OPCML: variants seen among roughly 807,000 people sequenced by gnomAD.
The protein encoded by OPCML is opioid binding protein/cell adhesion molecule like, also known as opioid-binding protein/cell adhesion molecule.
OPCML carries 13 observed loss-of-function variants against 37.8 expected under a neutral mutation model. That is an observed-to-expected ratio of 0.34 (90% CI 0.22 to 0.55). The LOEUF (loss-of-function observed/expected upper bound fraction) is 0.55. Ranked by LOEUF, OPCML falls within the 20% of genes least tolerant of loss-of-function variation. The pLI is 0.91. For synonymous variants in OPCML, 176 were observed against 168.8 expected (o/e 1.04, Z -0.33); for missense variants, 341 against 435.6 (o/e 0.78, Z 1.93).
intron 3 of OPCML, among the ~76,000 whole-genome samples, chr11:132,583,722 T>C (rs1341531748): frequency 6.6e-6 from 1 of 152,158 alleles, no homozygotes; most frequent in Non-Finnish European, 1.5e-5. Flanking sequence ...CAAGAGATTC[T>C]CTTGCCCCAG....
chr11:133,401,190 G>C (rs1423887369), intron 1 of OPCML, among the ~76,000 whole-genome samples: 1 of 152,154 alleles, frequency 6.6e-6, no homozygotes, highest in Non-Finnish European at 1.5e-5. Context: ...GACAGACGTA[G>C]TGTGAGAGTA....
intron 1 of OPCML, among the ~76,000 whole-genome samples, chr11:132,951,708 T>C (rs1212094476): frequency 1.3e-5 from 2 of 152,196 alleles, no homozygotes; most frequent in African/African-American, 2.4e-5. Context: ...AGTATCTCTG[T>C]GGGCAGATAA....
At chr11:132,516,665 G>T (rs1016969151) in intron 4 of OPCML, among the ~76,000 whole-genome samples, 14 of 151,332 alleles carry the variant, frequency 9.3e-5, no homozygotes, top group African/African-American at 3.4e-4. Context: ...CAAACTAATT[G>T]CTCTTCATAA....
In OPCML at chr11:133,324,090, C is replaced by T. The variant is rs371964264; in HGVS notation, c.61+208174G>A. ...CCTCCCCACATTCGGAGTTGGCAGC[C>T]GGCTCCAGCCAAGCAGAAGGGGGAA... On this transcript the variant is annotated intron_variant, in intron 1 of 7. Coordinates refer to ENST00000524381, the MANE Select transcript of OPCML (RefSeq NM_001012393.5). Among the ~76,000 whole-genome samples the T allele has an allele frequency of 1.0e-3, 152 of 152,096 alleles. 2 individuals carry two copies. The highest frequency in any genetic ancestry group is 3.2e-3 in the Middle Eastern group (1 of 316).
intron 2 of OPCML, among the ~76,000 whole-genome samples, chr11:132,900,140 T>G (rs969679563): frequency 6.6e-6 from 1 of 152,192 alleles, no homozygotes; most frequent in Non-Finnish European, 1.5e-5. Flanking sequence ...TATCAGCTCT[T>G]AACTGCAAAG....
At chr11:132,979,366 C>A (rs1946534843) in intron 1 of OPCML, among the ~76,000 whole-genome samples, 2 of 152,214 alleles carry the variant, frequency 1.3e-5, no homozygotes, top group South Asian at 2.1e-4. Flanking sequence ...GACCTCTCCT[C>A]CTCTCCCACA....
At chr11:132,479,783 C>A (rs28874935) in intron 4 of OPCML, among the ~76,000 whole-genome samples, 9,156 of 152,096 alleles carry the variant, frequency 0.06, 368 homozygotes, top group Middle Eastern at 0.11. Context: ...CTCACAGGGC[C>A]GGGTACTCCA....
At position 133,049,698 on chromosome 11, in the gene OPCML, A is replaced by G. The variant is rs552196458; in HGVS notation, c.62-106688T>C. 2.0e-5 allele frequency among the ~76,000 whole-genome samples: 3 copies of G among 152,248 alleles called. 1 individual carries two copies. Among genetic ancestry groups the G allele is most frequent in the African/African-American group, 7.2e-5 (3 of 41,538 alleles). On this transcript the variant is annotated intron_variant, in intron 1 of 7. Coordinates refer to ENST00000524381, the MANE Select transcript of OPCML (RefSeq NM_001012393.5). ...GGGCAGTCTTATAATCTGATTTGTA[A>G]CCCGTCACCGTGCAGGACAGAGTCC...
In OPCML at chr11:133,240,090, T is replaced by C. The variant is rs996797862; in HGVS notation, c.61+292174A>G. On this transcript the variant is annotated intron_variant, in intron 1 of 7. Coordinates refer to ENST00000524381, the MANE Select transcript of OPCML (RefSeq NM_001012393.5). ...TGGCTCCAACAAAAGCATTAGAATG[T>C]ACGTGCTGCTCAGGCCTCCCAGGGA... is the stretch of plus-strand genomic sequence containing the variant. Among the ~76,000 whole-genome samples, 6 of 151,924 alleles carry C rather than the reference T, an allele frequency of 3.9e-5. No homozygotes were observed. The East Asian group carries it at 7.8e-4, about 20-fold the overall frequency.
intron 2 of OPCML, among the ~76,000 whole-genome samples, chr11:132,667,022 T>G (rs1201164485): frequency 1.3e-5 from 2 of 152,138 alleles, no homozygotes; most frequent in East Asian, 3.9e-4. Context: ...AGGAAGAGCT[T>G]GAGGGAGCTA....
chr11:132,575,040 A>C (rs1591572633), intron 3 of OPCML, among the ~76,000 whole-genome samples: 2 of 152,008 alleles, frequency 1.3e-5, no homozygotes, highest in Non-Finnish European at 2.9e-5. Flanking sequence ...TTTTAAGTTA[A>C]AGTCAGTGTT....
intron 2 of OPCML, among the ~76,000 whole-genome samples, chr11:132,680,606 G>A (rs1223282032): frequency 6.6e-6 from 1 of 152,148 alleles, no homozygotes; most frequent in East Asian, 1.9e-4. Context: ...CTGCGGCCAC[G>A]CTACCTCAGC....
chr11:132,743,846 G>T (rs1364227517), intron 2 of OPCML, among the ~76,000 whole-genome samples: 1 of 152,122 alleles, frequency 6.6e-6, no homozygotes, highest in Non-Finnish European at 1.5e-5. Flanking sequence ...TGACACACAG[G>T]GGCCAAAAAT....
At chr11:132,808,169 T>C (rs1565878699) in intron 2 of OPCML, among the ~76,000 whole-genome samples, 1 of 152,190 alleles carries the variant, frequency 6.6e-6, no homozygotes, top group Non-Finnish European at 1.5e-5. Flanking sequence ...CTCTACCTAA[T>C]AAGGTTCACA....
chr11:133,462,533 T>C (rs931297539), intron 1 of OPCML, among the ~76,000 whole-genome samples: 2 of 152,140 alleles, frequency 1.3e-5, no homozygotes, highest in African/African-American at 2.4e-5. Flanking sequence ...AGGACTTTAA[T>C]AGATATTTTT....
rs1036776872 is a variant in OPCML, at chr11:133,212,643, C to G, written c.62-269633G>C. Among the ~76,000 whole-genome samples the G allele has an allele frequency of 3.9e-5, 6 of 152,192 alleles. No homozygotes were observed. The highest frequency in any genetic ancestry group is 1.4e-4 in the African/African-American group (6 of 41,444). On this transcript the variant is annotated intron_variant, in intron 1 of 7. Coordinates refer to ENST00000524381, the MANE Select transcript of OPCML (RefSeq NM_001012393.5). This position sits in a 1 kb window ranked among gnomAD's most constrained non-coding sequence, Gnocchi z 4.9. ...TCTTCTAACAGCCTCTGTGATTTAC[C>G]TTCTCACTGTGACTGTTGTTATTGT...
chr11:133,078,465 G>C (rs528285016), intron 1 of OPCML, among the ~76,000 whole-genome samples: 1 of 152,340 alleles, frequency 6.6e-6, no homozygotes, highest in East Asian at 1.9e-4. Flanking sequence ...GCAGGTCCTT[G>C]TGTAAACCGG....
intron 7 of OPCML, among the ~76,000 whole-genome samples, chr11:132,423,242 CTT>C (rs2095966250): frequency 6.6e-6 from 1 of 152,206 alleles, no homozygotes; most frequent in African/African-American, 2.4e-5. Flanking sequence ...GAGTTTTATT[CTT>C]CAGCAGCTAT....
intron 2 of OPCML, among the ~76,000 whole-genome samples, chr11:132,768,825 A>G (rs1040377620): frequency 6.6e-5 from 10 of 152,096 alleles, no homozygotes; most frequent in African/African-American, 2.4e-4. Flanking sequence ...TAAATCTTAC[A>G]TTGCTGCCCC....
Sources: allele counts gnomAD v4.1 joint callset (sites outside exome capture counted in the v4.1 genomes callset), GRCh38; gene constraint gnomAD v4.1.1; non-coding constraint Gnocchi (gnomAD v3.1); transcripts MANE v1.5; gene names NCBI Gene and HGNC (gene_info 2026-07-23, HGNC 2026-07-21).